Variants in DOCK3 observed in about 807,000 individuals in gnomAD.
The protein encoded by DOCK3 is dedicator of cytokinesis protein 3.
In DOCK3, 60 loss-of-function variants were observed where a neutral mutation model predicts 265.6. The ratio of observed to expected loss-of-function variants is 0.23; its 90% CI spans 0.18 to 0.28. The LOEUF is 0.28. Among genes scored for constraint, DOCK3 ranks in the 10% least tolerant of loss-of-function variants. The pLI is 1.00. For missense variants in DOCK3, 1,981 were observed against 2,594.3 expected, an observed-to-expected ratio of 0.76 and a Z score of 5.14; for synonymous variants, 881 against 938.0, an observed-to-expected ratio of 0.94 and a Z score of 1.11.
intron 4 of DOCK3, among the ~76,000 whole-genome samples, chr3:50,923,544 G>A (rs1218674131): frequency 6.6e-6 from 1 of 151,962 alleles, no homozygotes; most frequent in Non-Finnish European, 1.5e-5. Flanking sequence ...GTAGATTTTA[G>A]TGTAAAGCTA....
At chr3:51,121,741 CCT>C (rs1296238277) in intron 9 of DOCK3, among the ~76,000 whole-genome samples, 1 of 152,208 alleles carries the variant, frequency 6.6e-6, no homozygotes, top group East Asian at 1.9e-4. Flanking sequence ...AGTGAACACT[CCT>C]CTAGAGCATG....
At chr3:51,212,142 C>T (rs561600894) in intron 13 of DOCK3, among the ~76,000 whole-genome samples, 1 of 152,272 alleles carries the variant, frequency 6.6e-6, no homozygotes, top group African/African-American at 2.4e-5. Flanking sequence ...CTTTTATAGC[C>T]TCCATTGGTG....
intron 7 of DOCK3, among the ~76,000 whole-genome samples, chr3:51,087,770 G>A (rs576310498): frequency 1.8e-4 from 28 of 152,102 alleles, no homozygotes; most frequent in African/African-American, 6.0e-4. Flanking sequence ...CTGATATACT[G>A]ATATACTTAG....
intron 24 of DOCK3, among the ~76,000 whole-genome samples, chr3:51,274,475 C>T (rs2080701731): frequency 1.3e-5 from 2 of 152,232 alleles, no homozygotes; most frequent in Admixed American, 1.3e-4. Flanking sequence ...GGAGTCTAAT[C>T]ATTAAAGAGA....
chr3:50,720,461 G>A (rs1902960), intron 1 of DOCK3, among the ~76,000 whole-genome samples: 137,873 of 152,250 alleles, frequency 0.91, 62,584 homozygotes, highest in African/African-American at 0.95. Flanking sequence ...TACTGTGAAG[G>A]ACATGATCTC....
chr3:51,339,744 G>A (rs902149423), intron 37 of DOCK3, among the ~76,000 whole-genome samples: 4 of 152,118 alleles, frequency 2.6e-5, no homozygotes, highest in African/African-American at 9.7e-5. Flanking sequence ...TTATGCCATC[G>A]TTCCCCCCAA....
chr3:51,062,086 A>G (rs2081430568), intron 5 of DOCK3, among the ~76,000 whole-genome samples: 1 of 152,102 alleles, frequency 6.6e-6, no homozygotes, highest in Non-Finnish European at 1.5e-5. Context: ...GAACTGTTGC[A>G]CTAAATAGCC....
chr3:51,202,696 C>A (rs1344727324), intron 12 of DOCK3, among the ~76,000 whole-genome samples: 1 of 152,106 alleles, frequency 6.6e-6, no homozygotes, highest in African/African-American at 2.4e-5. Flanking sequence ...GATACCAAAG[C>A]CTGGCAGAGA....
At chr3:51,199,350 C>G (rs2088547807) in intron 12 of DOCK3, among the ~76,000 whole-genome samples, 1 of 152,214 alleles carries the variant, frequency 6.6e-6, no homozygotes, top group African/African-American at 2.4e-5. Flanking sequence ...CTGCGCTTTT[C>G]CGATGGGCTT....
intron 27 of DOCK3, among the ~76,000 whole-genome samples, chr3:51,283,589 GGGAGTT>G (rs1319827186): frequency 6.6e-6 from 1 of 152,152 alleles, no homozygotes; most frequent in African/African-American, 2.4e-5. Flanking sequence ...ACTTAGACTG[GGGAGTT>G]AAAGGAGCAG....
chr3:50,977,200 T>C (rs1364816762), intron 5 of DOCK3, among the ~76,000 whole-genome samples: 1 of 151,776 alleles, frequency 6.6e-6, no homozygotes, highest in Non-Finnish European at 1.5e-5. Flanking sequence ...TGTTAGCTGG[T>C]TATTTTGCTC....
intron 2 of DOCK3, among the ~76,000 whole-genome samples, chr3:50,788,862 G>A (rs1294470354): frequency 6.6e-6 from 1 of 152,226 alleles, no homozygotes; most frequent in South Asian, 2.1e-4. Context: ...GCGAGGGCGC[G>A]TGCCCGCCCC....
rs918405142 is a variant in DOCK3 at position 51,159,247 on chromosome 3, C to A, written c.832C>A (p.Leu278Met). The A allele has an allele frequency of 1.2e-6, 2 of 1,613,282 alleles. No individual in the cohort carries two copies. Among genetic ancestry groups the A allele is most frequent in the Non-Finnish European group, 1.7e-6 (2 of 1,179,404 alleles). The change falls in exon 11 of 53, where the codon CTG (leucine) becomes ATG (methionine). Residue 278 changes from leucine to methionine, a missense_variant. By Grantham distance (15) the Leu-to-Met change is conservative. Transcript: ENST00000266037. The part of the protein sequence containing the change: ...IERMCALFTD[L>M]SSKDMKRDLY... ...ATTTACTTATTTTTTCTCTTAGGAT[C>A]TGAGCAGCAAAGATATGAAGAGAGA...
chr3:51,131,665 A>G (rs149015021), intron 9 of DOCK3, among the ~76,000 whole-genome samples: 111 of 152,300 alleles, frequency 7.3e-4, no homozygotes, highest in African/African-American at 2.6e-3. Context: ...TAGGAACACC[A>G]TGATTACTTA....
Position 50,860,397 on chromosome 3 carries a change from G to A in DOCK3, c.162+18682G>A, listed in dbSNP as rs550981221. Among the ~76,000 whole-genome samples, 4 of 152,292 alleles carry A rather than the reference G, an allele frequency of 2.6e-5. No homozygotes were observed. The East Asian group carries it at 7.7e-4, about 29-fold the overall frequency. ...TCTGGCTCTATAGTTGATAGTTGAG[G>A]CTTAGGCCTGGAGGACTTACCCAGT... On this transcript the variant is annotated intron_variant, in intron 3 of 52. Transcript: ENST00000266037.
At position 51,295,508 on chromosome 3, in the gene DOCK3, A is replaced by G. The variant is rs201532359; in HGVS notation, c.2923-14724A>G. On this transcript the variant is annotated intron_variant, in intron 27 of 52. Transcript: ENST00000266037. The stretch of plus-strand genomic sequence containing the variant: ...TTTCAACATGAGGTTTTGAGGGGAC[A>G]TATCCAAACCATTGCAAATGTAGAA... Among the ~76,000 whole-genome samples the G allele has an allele frequency of 1.6e-4, 24 of 152,362 alleles. No homozygotes were observed. In the East Asian group the frequency reaches 3.7e-3, roughly 23 times the overall value.
chr3:51,205,227 A>G (rs376048793), intron 12 of DOCK3, among the ~76,000 whole-genome samples: 6 of 152,180 alleles, frequency 3.9e-5, no homozygotes, highest in African/African-American at 1.4e-4. Context: ...GTCCACATCT[A>G]TCACCACAGT....
At position 51,214,105 on chromosome 3, in the gene DOCK3, T is replaced by C; in HGVS notation, c.1127-17T>C. 1 of 1,613,544 alleles carries C rather than the reference T, an allele frequency of 6.2e-7. No individual in the cohort carries two copies. Among genetic ancestry groups the C allele is most frequent in the South Asian group, 1.1e-5 (1 of 91,024 alleles). On this transcript the variant is annotated splice_polypyrimidine_tract_variant and intron_variant, in intron 13 of 52. Transcript: ENST00000266037. ...GGGTAGAACTGTGGTTCTAAGAAAA[T>C]GCTTTTGTTTTTGCAGGTCTTATCA...
At chr3:51,309,057 A>G (rs1312798830) in intron 27 of DOCK3, among the ~76,000 whole-genome samples, 1 of 150,754 alleles carries the variant, frequency 6.6e-6, no homozygotes, top group Non-Finnish European at 1.5e-5. Context: ...CTCACTTCCT[A>G]GATGGGATGG....
Sources: allele counts gnomAD v4.1 joint callset (sites outside exome capture counted in the v4.1 genomes callset), GRCh38; gene constraint gnomAD v4.1.1; transcripts MANE v1.5; gene names NCBI Gene and HGNC (gene_info 2026-07-23, HGNC 2026-07-21).